Variants in TRDN observed in about 807,000 individuals in gnomAD.
The protein encoded by TRDN is triadin.
A neutral mutation model predicts 149.7 loss-of-function variants in TRDN; 161 were observed. The observed-to-expected ratio is 1.08, with a 90% confidence interval of 0.95 to 1.23. The LOEUF is 1.23. Ranked by LOEUF, TRDN falls within the 50% of genes most tolerant of loss-of-function variation. TRDN has a pLI of 0.00. For missense variants in TRDN, 896 were observed against 823.5 expected (o/e 1.09, Z -1.08); for synonymous variants, 294 against 250.5 (o/e 1.17, Z -1.64).
intron 24 of TRDN, among the ~76,000 whole-genome samples, chr6:123,286,013 A>G (rs1562245826): frequency 1.3e-5 from 2 of 152,118 alleles, no homozygotes; most frequent in Non-Finnish European, 1.5e-5. Context: ...TAATCAAAAA[A>G]TTAAAAAATA....
intron 10 of TRDN, chr6:123,464,396 G>A (rs745884125): frequency 1.5e-5 from 15 of 968,350 alleles, no homozygotes; most frequent in Non-Finnish European, 1.8e-5. Context: ...GTGAGTGTGT[G>A]TGTATATATA....
In TRDN at chr6:123,598,263, GCCCTTAAGGGAATGTA is replaced by G. The variant is rs1784125101; in HGVS notation, c.23-27147_23-27132del. 4.6e-5 allele frequency among the ~76,000 whole-genome samples: 7 copies of G among 152,220 alleles called. No individual in the cohort carries two copies. In the South Asian group the frequency reaches 1.4e-3, roughly 32 times the overall value. On this transcript the variant is annotated intron_variant, in intron 1 of 40. Transcript: ENST00000334268. ...AGGTAAATAGCAGTACTCAGTAAGT[GCCCTTAAGGGAATGTA>G]CCCTATAGCAAAATCCTAAGTGCAA...
chr6:123,473,833 C>T (rs1777319341), intron 9 of TRDN, among the ~76,000 whole-genome samples: 1 of 151,948 alleles, frequency 6.6e-6, no homozygotes, highest in South Asian at 2.1e-4. Context: ...AATTTCATAT[C>T]CAGCCAAACT....
At chr6:123,286,093 A>G (rs1777795049) in intron 24 of TRDN, among the ~76,000 whole-genome samples, 1 of 152,146 alleles carries the variant, frequency 6.6e-6, no homozygotes, top group South Asian at 2.1e-4. Flanking sequence ...AAGCTTTATA[A>G]CCACTTTGGA....
At chr6:123,564,399 CGT>C (rs962572615) in intron 2 of TRDN, among the ~76,000 whole-genome samples, 1 of 151,644 alleles carries the variant, frequency 6.6e-6, no homozygotes, top group Non-Finnish European at 1.5e-5. Context: ...ATAACATATT[CGT>C]GTGTGTGTGT....
chr6:123,303,838 T>C (rs1389303357), intron 24 of TRDN, among the ~76,000 whole-genome samples: 2 of 152,124 alleles, frequency 1.3e-5, no homozygotes, highest in Non-Finnish European at 2.9e-5. Flanking sequence ...TTGTGGTAGA[T>C]CTTTAAAGAG....
At chr6:123,313,291 A>G (rs1308084664) in intron 24 of TRDN, among the ~76,000 whole-genome samples, 1 of 151,954 alleles carries the variant, frequency 6.6e-6, no homozygotes, top group Non-Finnish European at 1.5e-5. Flanking sequence ...CTGTCATTTC[A>G]GCCATCTCAG....
chr6:123,406,072 T>C (rs1403013552), intron 12 of TRDN, among the ~76,000 whole-genome samples: 1 of 152,206 alleles, frequency 6.6e-6, no homozygotes, highest in Non-Finnish European at 1.5e-5. Flanking sequence ...ATTTGTTGAA[T>C]TTTCTAGAAA....
intron 37 of TRDN, among the ~76,000 whole-genome samples, chr6:123,254,236 C>G (rs1776473692): frequency 6.6e-6 from 1 of 151,998 alleles, no homozygotes; most frequent in Admixed American, 6.6e-5. Context: ...TATTATTCTA[C>G]AAATGTAATT....
intron 5 of TRDN, among the ~76,000 whole-genome samples, chr6:123,521,133 A>C (rs1461214839): frequency 6.6e-6 from 1 of 152,134 alleles, no homozygotes; most frequent in Non-Finnish European, 1.5e-5. Context: ...GTTCTAGACA[A>C]ATCAGTGTTA....
chr6:123,416,128 G>A (rs570329720), intron 12 of TRDN, among the ~76,000 whole-genome samples: 1 of 152,290 alleles, frequency 6.6e-6, no homozygotes, highest in Non-Finnish European at 1.5e-5. Context: ...AGGGGACAGA[G>A]CAAGAGGCAA....
At chr6:123,600,430 G>T (rs759331424) in intron 1 of TRDN, among the ~76,000 whole-genome samples, 42 of 151,648 alleles carry the variant, frequency 2.8e-4, no homozygotes, top group African/African-American at 1.0e-3. Context: ...TGGAACCCGG[G>T]TTGGGTGTGT....
At chr6:123,360,311 T>C (rs1780849413) in intron 20 of TRDN, among the ~76,000 whole-genome samples, 1 of 152,054 alleles carries the variant, frequency 6.6e-6, no homozygotes, top group Non-Finnish European at 1.5e-5. Flanking sequence ...AAGGAAATGG[T>C]ACAGAATGAG....
intron 24 of TRDN, among the ~76,000 whole-genome samples, chr6:123,293,835 C>T (rs1273473740): frequency 6.6e-6 from 1 of 152,260 alleles, no homozygotes; most frequent in African/African-American, 2.4e-5. Flanking sequence ...GATGAATGTA[C>T]ATTGGCCAGC....
At chr6:123,528,918 C>T (rs1236987730) in intron 5 of TRDN, 1 of 1,109,368 alleles carries the variant, frequency 9.0e-7, no homozygotes, top group Non-Finnish European at 1.1e-6. Flanking sequence ...TTGGTCTACT[C>T]AAGAAATATA....
At chr6:123,311,332 C>A (rs1318592248) in intron 24 of TRDN, among the ~76,000 whole-genome samples, 1 of 151,940 alleles carries the variant, frequency 6.6e-6, no homozygotes, top group East Asian at 1.9e-4. Flanking sequence ...ACCTCCATCC[C>A]AGTCCATCCC....
chr6:123,583,576 G>A (rs113925395), intron 1 of TRDN, among the ~76,000 whole-genome samples: 12,955 of 142,148 alleles, frequency 0.091, 722 homozygotes, highest in African/African-American at 0.13. Context: ...CTGAATACTA[G>A]GAGCCTGAAA....
At chr6:123,300,506 G>A (rs1319151785) in intron 24 of TRDN, among the ~76,000 whole-genome samples, 1 of 151,866 alleles carries the variant, frequency 6.6e-6, no homozygotes, top group Non-Finnish European at 1.5e-5. Context: ...CACAGAGAAT[G>A]AATTTCTCTG....
chr6:123,566,270 C>A (rs1177462246), intron 2 of TRDN, among the ~76,000 whole-genome samples: 1 of 152,104 alleles, frequency 6.6e-6, no homozygotes, highest in Non-Finnish European at 1.5e-5. Flanking sequence ...AAGATGTTAT[C>A]CCCATTTCAC....
Sources: allele counts gnomAD v4.1 joint callset (sites outside exome capture counted in the v4.1 genomes callset), GRCh38; gene constraint gnomAD v4.1.1; transcripts MANE v1.5; gene names NCBI Gene and HGNC (gene_info 2026-07-23, HGNC 2026-07-21).